Variants in MAPKAP1 observed in about 807,000 individuals in gnomAD.
MAPKAP1 encodes MAPK associated protein 1.
MAPKAP1 carries 20 observed loss-of-function variants against 65.7 expected under a neutral mutation model. That is an observed-to-expected ratio of 0.30 (90% CI 0.21 to 0.44). The LOEUF is 0.44. MAPKAP1 is among the 20% of genes least tolerant of loss of function. MAPKAP1 has a pLI of 1.00. For synonymous variants in MAPKAP1, 222 were observed against 244.3 expected, an observed-to-expected ratio of 0.91 and a Z score of 0.85; for missense variants, 423 against 648.0, an observed-to-expected ratio of 0.65 and a Z score of 3.77.
At position 125,609,574 on chromosome 9, in the gene MAPKAP1, C is replaced by T. The variant is rs547061196; in HGVS notation, c.499-23847G>A. Among the ~76,000 whole-genome samples the T allele has an allele frequency of 1.6e-3, 244 of 152,214 alleles. 1 individual carries two copies. Among genetic ancestry groups the T allele is most frequent in the Non-Finnish European group, 1.8e-3 (124 of 68,012 alleles). On this transcript the variant is annotated intron_variant, in intron 4 of 11. Transcript: ENST00000265960. ...GTTGCCCAGGTTGGTCTTGAACTCCCGAGCTCAAGTGATCCCCTTGCCTCT... is the reference window on the plus strand; with the variant it reads ...GTTGCCCAGGTTGGTCTTGAACTCCTGAGCTCAAGTGATCCCCTTGCCTCT...
intron 10 of MAPKAP1, among the ~76,000 whole-genome samples, chr9:125,467,193 T>A (rs1374306446): frequency 2.0e-5 from 3 of 152,230 alleles, no homozygotes; most frequent in Non-Finnish European, 4.4e-5. Context: ...TATAGCAGTC[T>A]CTAGGCAACT....
chr9:125,702,818 C>G (rs143501472), intron 1 of MAPKAP1, among the ~76,000 whole-genome samples: 13 of 151,762 alleles, frequency 8.6e-5, no homozygotes, highest in African/African-American at 3.1e-4. Flanking sequence ...TGCCACTGCA[C>G]TCCAGCCTGG....
chr9:125,513,947 G>C (rs1483282029), intron 7 of MAPKAP1, among the ~76,000 whole-genome samples: 1 of 152,178 alleles, frequency 6.6e-6, no homozygotes, highest in East Asian at 1.9e-4. Flanking sequence ...CAGTTCCCTA[G>C]TCTCTCAGGT....
chr9:125,613,918 C>T (rs1305319190), intron 4 of MAPKAP1, among the ~76,000 whole-genome samples: 2 of 152,100 alleles, frequency 1.3e-5, no homozygotes, highest in Admixed American at 1.3e-4. Flanking sequence ...CTGCCTCATC[C>T]TCCCCAGTAG....
intron 1 of MAPKAP1, among the ~76,000 whole-genome samples, chr9:125,688,062 G>T (rs1222000954): frequency 2.0e-5 from 3 of 152,126 alleles, no homozygotes; most frequent in Non-Finnish European, 4.4e-5. Flanking sequence ...AAATGATAAT[G>T]GCTATTATTG....
chr9:125,468,585 C>A (rs1853773066), intron 9 of MAPKAP1, among the ~76,000 whole-genome samples: 1 of 152,214 alleles, frequency 6.6e-6, no homozygotes, highest in African/African-American at 2.4e-5. Flanking sequence ...CAATGAACAG[C>A]TTCTGATCTG....
At chr9:125,703,482 C>T (rs1317199672) in intron 1 of MAPKAP1, among the ~76,000 whole-genome samples, 3 of 152,072 alleles carry the variant, frequency 2.0e-5, no homozygotes, top group Non-Finnish European at 2.9e-5. Flanking sequence ...AGGGAAAAAA[C>T]GTAATGTGGC....
chr9:125,572,537 TCTAGC>T (rs1223789546), intron 5 of MAPKAP1, among the ~76,000 whole-genome samples: 1 of 152,234 alleles, frequency 6.6e-6, no homozygotes, highest in Admixed American at 6.5e-5. Context: ...TCTACTAAAT[TCTAGC>T]CTCATTAGTT....
intron 7 of MAPKAP1, chr9:125,542,845 G>T: frequency 1.4e-6 from 1 of 706,402 alleles, no homozygotes; most frequent in Non-Finnish European, 2.6e-6. Context: ...CAATTGATAT[G>T]AATACATTCT....
At chr9:125,502,647 T>A (rs1829019284) in intron 8 of MAPKAP1, among the ~76,000 whole-genome samples, 1 of 152,250 alleles carries the variant, frequency 6.6e-6, no homozygotes, top group Admixed American at 6.5e-5. Flanking sequence ...GATCAGAGGA[T>A]GTATCACATA....
intron 4 of MAPKAP1, among the ~76,000 whole-genome samples, chr9:125,637,408 A>G (rs1038648758): frequency 1.3e-5 from 2 of 152,222 alleles, no homozygotes; most frequent in Non-Finnish European, 2.9e-5. Context: ...TTCTAAAAAA[A>G]AAAATGAGGA....
chr9:125,458,182 C>T (rs921413968), intron 10 of MAPKAP1, among the ~76,000 whole-genome samples: 1 of 148,636 alleles, frequency 6.7e-6, no homozygotes, highest in African/African-American at 2.5e-5. Context: ...CTAATCTGGT[C>T]GAAGTTACCA....
intron 1 of MAPKAP1, among the ~76,000 whole-genome samples, chr9:125,698,219 A>G (rs150288582): frequency 1.5e-3 from 215 of 143,938 alleles, no homozygotes; most frequent in Middle Eastern, 0.015. Flanking sequence ...ATGTGTGTGT[A>G]TATATATATT....
At chr9:125,673,088 T>C (rs761985276) in intron 1 of MAPKAP1, among the ~76,000 whole-genome samples, 1 of 152,220 alleles carries the variant, frequency 6.6e-6, no homozygotes, top group African/African-American at 2.4e-5. Context: ...CCTCCTGTCA[T>C]ATGATTGTGA....
chr9:125,590,553 G>C (rs955544620), intron 4 of MAPKAP1, among the ~76,000 whole-genome samples: 1 of 151,954 alleles, frequency 6.6e-6, no homozygotes, highest in East Asian at 1.9e-4. Flanking sequence ...AGGAGGCTGA[G>C]GGAGGAGAAT....
At position 125,438,427 on chromosome 9, in the gene MAPKAP1, A is replaced by C. The variant is rs1458228786; in HGVS notation, c.*460T>G. On this transcript the variant is annotated 3_prime_UTR_variant, in exon 12 of 12. Coordinates refer to ENST00000265960, the MANE Select transcript of MAPKAP1 (RefSeq NM_001006617.3). Reference sequence around the variant, plus strand: ...GAACAGATTTTAAAGAGAGTAACATAATCAATCCTCCGCCCCAAAGAATGG... The same window carrying C: ...GAACAGATTTTAAAGAGAGTAACATCATCAATCCTCCGCCCCAAAGAATGG... The C allele has an allele frequency of 1.0e-5, 4 of 396,670 alleles. No homozygotes were observed. Among genetic ancestry groups the C allele is most frequent in the Non-Finnish European group, 1.8e-5 (4 of 226,350 alleles). 24.6% of individuals were successfully genotyped at this position (396,670 alleles called of 1,614,324 possible).
rs568714887 is a variant in MAPKAP1, at chr9:125,604,220, C to A, written c.499-18493G>T. Among the ~76,000 whole-genome samples the A allele has an allele frequency of 4.0e-4, 61 of 152,258 alleles. 1 individual carries two copies. In the South Asian group the frequency reaches 0.012, roughly 31 times the overall value. On this transcript the variant is annotated intron_variant, in intron 4 of 11. Coordinates refer to ENST00000265960, the MANE Select transcript of MAPKAP1 (RefSeq NM_001006617.3). ...TAATTCCCTGTTATACAAAGCATAA[C>A]AAAGTATGAATATTTAAATACAATG...
At chr9:125,592,283 C>T (rs1314230960) in intron 4 of MAPKAP1, among the ~76,000 whole-genome samples, 1 of 152,142 alleles carries the variant, frequency 6.6e-6, no homozygotes, top group African/African-American at 2.4e-5. Context: ...AAAAATGTAC[C>T]CTTCCATGCA....
Position 125,474,241 on chromosome 9 carries a change from C to T in MAPKAP1, c.1208-6132G>A, listed in dbSNP as rs145592884. On this transcript the variant is annotated intron_variant, in intron 9 of 11. Coordinates refer to ENST00000265960, the MANE Select transcript of MAPKAP1 (RefSeq NM_001006617.3). ...GAGCACCAGGATCCAGTTTGGGAGA[C>T]AATGCCTTCATCCCCACAAATCCCC... Among the ~76,000 whole-genome samples the T allele has an allele frequency of 6.2e-3, 938 of 152,282 alleles. 4 individuals are homozygous for T. Among genetic ancestry groups the T allele is most frequent in the Middle Eastern group, 0.034 (10 of 294 alleles).
Sources: gnomAD v4.1 joint callset for allele counts (sites outside exome capture counted in the v4.1 genomes callset) on GRCh38, gnomAD v4.1.1 for gene constraint, MANE v1.5 for transcripts, NCBI Gene and HGNC (gene_info 2026-07-23, HGNC 2026-07-21) for gene names.